NR2E1: variants seen among roughly 807,000 people sequenced by gnomAD.
NR2E1 encodes the protein nuclear receptor subfamily 2 group E member 1.
In NR2E1, 5 loss-of-function variants were observed where a neutral mutation model predicts 43.6. The observed-to-expected ratio is 0.11, with a 90% CI of 0.06 to 0.24. The LOEUF is 0.24. Ranked by LOEUF, NR2E1 falls within the 10% of genes least tolerant of loss-of-function variation. The probability of loss-of-function intolerance (pLI) is 1.00; values close to 1 mark genes in which losing one functional copy is unlikely to be tolerated. For missense variants in NR2E1, 287 were observed against 496.7 expected (o/e 0.58, Z 4.01); for synonymous variants, 191 against 195.5 (o/e 0.98, Z 0.19).
chr6:108,169,668 T>A lies in NR2E1; in HGVS notation c.26-1790T>A, dbSNP rs529688552. On this transcript the variant is annotated intron_variant, in intron 1 of 8. Transcript: ENST00000368986. The surrounding 1 kb of genome is among the most constrained non-coding windows in gnomAD (Gnocchi z 6.1). ...ACCCGGTTCCTGAGCGACCAGGAACTCCCTTGGGCGCAGTGACAGGCCCGA... is the reference window on the plus strand; with the variant it reads ...ACCCGGTTCCTGAGCGACCAGGAACACCCTTGGGCGCAGTGACAGGCCCGA... 6.6e-6 allele frequency among the ~76,000 whole-genome samples: 1 copy of A among 152,064 alleles called. No individual in the cohort carries two copies. Among genetic ancestry groups the A allele is most frequent in the African/African-American group, 2.4e-5 (1 of 41,508 alleles).
In NR2E1 at chr6:108,177,649, T is replaced by C. The variant is rs763187917; in HGVS notation, c.496-446T>C. Among the ~76,000 whole-genome samples, 71 of 152,280 alleles carry C rather than the reference T, an allele frequency of 4.7e-4. 2 individuals carry two copies. Among genetic ancestry groups the C allele is most frequent in the Non-Finnish European group, 3.1e-4 (21 of 68,048 alleles). ...CTCTGTGAATGATTAAGATGTCTAATTGAAATATTTCCATAATATACTAAT... is the reference window on the plus strand; with the variant it reads ...CTCTGTGAATGATTAAGATGTCTAACTGAAATATTTCCATAATATACTAAT... On this transcript the variant is annotated intron_variant, in intron 4 of 8. Coordinates refer to ENST00000368986, the MANE Select transcript of NR2E1 (RefSeq NM_003269.5).
intron 8 of NR2E1, among the ~76,000 whole-genome samples, chr6:108,185,162 C>G (rs1562407449): frequency 6.6e-6 from 1 of 152,148 alleles, no homozygotes; most frequent in Admixed American, 6.5e-5. Flanking sequence ...TTACAGCTCT[C>G]TAAGCTATTT....
At chr6:108,181,764 C>T in intron 8 of NR2E1, 113 bp downstream of exon 8, 1 of 823,938 alleles carries the variant, frequency 1.2e-6, no homozygotes, top group Non-Finnish European at 2.0e-6. Flanking sequence ...TTGTTGCCAG[C>T]CAGTTAATTT....
At chr6:108,176,425 G>T (rs907114354) in intron 3 of NR2E1, 78 bp from the exon 4 acceptor site, 4 of 1,444,784 alleles carry the variant, frequency 2.8e-6, no homozygotes, top group African/African-American at 1.4e-5. Flanking sequence ...CATTGGGGCG[G>T]GGCTGGGGGG....
chr6:108,176,477 A>C (rs374560382), intron 3 of NR2E1, 26 bp from the exon 4 acceptor site: 1 of 1,608,320 alleles, frequency 6.2e-7, no homozygotes, highest in Non-Finnish European at 8.5e-7. Context: ...AATCGCCGGC[A>C]TGCGTTTCTC....
intron 8 of NR2E1, among the ~76,000 whole-genome samples, chr6:108,185,861 C>A (rs182566702): frequency 6.6e-6 from 1 of 152,112 alleles, no homozygotes; most frequent in African/African-American, 2.4e-5. Flanking sequence ...TCTATAGATT[C>A]CCCCAAATTC....
At position 108,185,189 on chromosome 6, in the gene NR2E1, C is replaced by T. The variant is rs544259514; in HGVS notation, c.996-2112C>T. ...AAGCTATTTCTCTAATTATCGAGGA[C>T]GTAAGGAGAAGGCTAGGAATTGACA... On this transcript the variant is annotated intron_variant, in intron 8 of 8. Transcript: ENST00000368986. Among the ~76,000 whole-genome samples the T allele has an allele frequency of 1.6e-4, 24 of 152,174 alleles. 1 individual carries two copies. Among genetic ancestry groups the T allele is most frequent in the African/African-American group, 5.3e-4 (22 of 41,512 alleles).
intron 8 of NR2E1, among the ~76,000 whole-genome samples, chr6:108,182,241 C>CA (rs766203121): frequency 0.024 from 1,796 of 73,440 alleles, 38 homozygotes; most frequent in Non-Finnish European, 0.04. Context: ...GACTCCGTCT[C>CA]AAAAAAAAAA....
intron 1 of NR2E1, chr6:108,168,221 G>A: frequency 6.7e-7 from 1 of 1,492,096 alleles, no homozygotes. Context: ...CTTCCCAGGA[G>A]GCTCAGGAGG....
At chr6:108,175,586 G>A (rs991692894) in intron 3 of NR2E1, among the ~76,000 whole-genome samples, 4 of 152,244 alleles carry the variant, frequency 2.6e-5, no homozygotes, top group Non-Finnish European at 5.9e-5. Flanking sequence ...GGACGTCAGA[G>A]TGCTTCCTGG....
rs1478266675 is a variant in NR2E1 at position 108,187,470 on chromosome 6, A to C, written c.*7A>C. On this transcript the variant is annotated 3_prime_UTR_variant, in exon 9 of 9. Coordinates refer to ENST00000368986, the MANE Select transcript of NR2E1 (RefSeq NM_003269.5). The stretch of plus-strand genomic sequence containing the variant: ...CAAATCCAGTGATATCTAAGCTCAC[A>C]AGATACCCACTTTTCAGGATGGGAC... The C allele has an allele frequency of 1.9e-6, 3 of 1,614,060 alleles. No individual in the cohort carries two copies. The highest frequency in any genetic ancestry group is 2.5e-6 in the Non-Finnish European group (3 of 1,179,952).
intron 4 of NR2E1, among the ~76,000 whole-genome samples, chr6:108,177,113 G>T (rs1773912778): frequency 6.6e-6 from 1 of 152,186 alleles, no homozygotes; most frequent in African/African-American, 2.4e-5. Flanking sequence ...TGTTCCTAAA[G>T]ACCAGAAGAA....
intron 2 of NR2E1, among the ~76,000 whole-genome samples, chr6:108,174,607 T>C (rs1206517575): frequency 2.6e-5 from 4 of 152,158 alleles, no homozygotes; most frequent in Non-Finnish European, 5.9e-5. Context: ...GTCCGCTTTC[T>C]TGGGGTCCGG....
intron 4 of NR2E1, among the ~76,000 whole-genome samples, chr6:108,177,467 T>C (rs1773918732): frequency 6.6e-6 from 1 of 152,174 alleles, no homozygotes; most frequent in Non-Finnish European, 1.5e-5. Context: ...AGGATCTCCC[T>C]CAGAGGAGGG....
intron 8 of NR2E1, among the ~76,000 whole-genome samples, chr6:108,184,738 A>G (rs1370463953): frequency 6.6e-6 from 1 of 152,186 alleles, no homozygotes; most frequent in African/African-American, 2.4e-5. Flanking sequence ...GAATTCAACC[A>G]TGGGTTAACA....
intron 3 of NR2E1, 193 bp from the exon 4 acceptor site, chr6:108,176,310 T>C (rs763250090): frequency 2.0e-5 from 12 of 603,954 alleles, no homozygotes; most frequent in Non-Finnish European, 3.2e-5. Context: ...AGCTTCCGAA[T>C]CTATTCAGTG....
rs1054785220 is a variant in NR2E1 at position 108,183,171 on chromosome 6, C to G, written c.995+1520C>G. 4.6e-5 allele frequency among the ~76,000 whole-genome samples: 7 copies of G among 152,254 alleles called. No individual in the cohort carries two copies. In the East Asian group the frequency reaches 9.7e-4, roughly 21 times the overall value. On this transcript the variant is annotated intron_variant, in intron 8 of 8. Transcript: ENST00000368986. The stretch of plus-strand genomic sequence containing the variant: ...CTCAGAGACTGGGGCTCCAACAAAG[C>G]TCCTCCTGGCCCAGCACTGGGCAAG...
chr6:108,185,594 T>G (rs1242954276), intron 8 of NR2E1, among the ~76,000 whole-genome samples: 1 of 152,190 alleles, frequency 6.6e-6, no homozygotes, highest in Non-Finnish European at 1.5e-5. Context: ...CTTGCTATGT[T>G]GCCCAGGCTC....
At chr6:108,176,430 G>T (rs1244577262) in intron 3 of NR2E1, 73 bp from the exon 4 acceptor site, 20 of 1,466,174 alleles carry the variant, frequency 1.4e-5, no homozygotes, top group Non-Finnish European at 1.8e-5. Flanking sequence ...GGGCGGGGCT[G>T]GGGGGAGAGC....
Sources: gnomAD v4.1 joint callset for allele counts (sites outside exome capture counted in the v4.1 genomes callset) on GRCh38, gnomAD v4.1.1 for gene constraint, Gnocchi (gnomAD v3.1) non-coding constraint, MANE v1.5 for transcripts, NCBI Gene and HGNC (gene_info 2026-07-23, HGNC 2026-07-21) for gene names.